Variants in TMEM117 observed in about 807,000 individuals in gnomAD.
TMEM117 encodes transmembrane protein 117.
TMEM117 carries 27 observed loss-of-function variants against 52.4 expected under a neutral mutation model. The ratio of observed to expected loss-of-function variants is 0.51; its 90% CI spans 0.38 to 0.71. TMEM117 has a LOEUF of 0.71. TMEM117 is among the 30% of genes least tolerant of loss of function. TMEM117 has a pLI of 0.00. For missense variants in TMEM117, 556 were observed against 630.5 expected, an observed-to-expected ratio of 0.88 and a Z score of 1.26; for synonymous variants, 215 against 206.3, an observed-to-expected ratio of 1.04 and a Z score of -0.36.
chr12:44,348,421 G>A (rs1432494086), intron 6 of TMEM117, among the ~76,000 whole-genome samples: 4 of 151,618 alleles, frequency 2.6e-5, no homozygotes, highest in African/African-American at 4.8e-5. Flanking sequence ...TTACCCCAAG[G>A]TACCAATACC....
chr12:43,836,151 C>G lies in TMEM117; in HGVS notation c.-74C>G, dbSNP rs913015701. On this transcript the variant is annotated 5_prime_UTR_variant, in exon 1 of 8. Transcript: ENST00000266534. ...CGGCGCGCCGAGGGCTGTGCTCGAC[C>G]GCGAATCCCGTGTGCAGTCGCCCCG... 2 of 152,036 alleles carry G rather than the reference C, an allele frequency of 1.3e-5. No homozygotes were observed. The highest frequency in any genetic ancestry group is 2.9e-5 in the Non-Finnish European group (2 of 68,002). 9.4% of individuals were successfully genotyped at this position (152,036 alleles called of 1,614,324 possible).
intron 5 of TMEM117, chr12:44,244,362 C>G (rs1383155737): frequency 2.0e-5 from 3 of 151,834 alleles, no homozygotes; most frequent in African/African-American, 7.2e-5. Context: ...TTGCATTTCC[C>G]TGATGGTTAG....
At chr12:43,857,195 A>C (rs1182019012) in intron 2 of TMEM117, among the ~76,000 whole-genome samples, 2 of 152,194 alleles carry the variant, frequency 1.3e-5, no homozygotes, top group African/African-American at 4.8e-5. Flanking sequence ...TGGCTGCTCT[A>C]GTTCCCCTAG....
intron 4 of TMEM117, among the ~76,000 whole-genome samples, chr12:44,148,077 G>A (rs1948670779): frequency 6.6e-6 from 1 of 152,158 alleles, no homozygotes; most frequent in African/African-American, 2.4e-5. Flanking sequence ...TAACATAGTA[G>A]CCCTAGGATT....
chr12:43,933,165 A>G (rs1381102620), intron 2 of TMEM117, among the ~76,000 whole-genome samples: 1 of 152,040 alleles, frequency 6.6e-6, no homozygotes, highest in Non-Finnish European at 1.5e-5. Context: ...CAGTATAATG[A>G]TGAAGATGTA....
At position 44,299,734 on chromosome 12, in the gene TMEM117, A is replaced by G; in HGVS notation, c.763A>G (p.Met255Val). Residue 255 changes from methionine (M) to valine (V), a missense_variant, in exon 6 of 8, where the codon ATG becomes GTG. Around this residue, in one of 3 missense-constraint regions of TMEM117, gnomAD observed 328 missense variants for 371.4 expected, o/e 0.88. Coordinates refer to ENST00000266534, the MANE Select transcript of TMEM117 (RefSeq NM_032256.3). ...CTTGGTCTTTGACCTTCTTATTGTG[A>G]TGCAGGTAAGTGTATTTCCCTCCCC... ...FILVFDLLIV[M>V]QDWEFPHFMG... 6.2e-7 allele frequency: 1 copy of G among 1,614,038 alleles called. No individual in the cohort carries two copies. The highest frequency in any genetic ancestry group is 8.5e-7 in the Non-Finnish European group (1 of 1,179,962).
chr12:44,392,993 T>C (rs528436699), downstream of TMEM117, among the ~76,000 whole-genome samples: 1 of 152,156 alleles, frequency 6.6e-6, no homozygotes, highest in Non-Finnish European at 1.5e-5. Context: ...TAAAAGCTGA[T>C]ATCCTGTAAA....
intron 3 of TMEM117, among the ~76,000 whole-genome samples, chr12:44,068,161 C>T (rs536582521): frequency 6.6e-6 from 1 of 152,300 alleles, no homozygotes; most frequent in African/African-American, 2.4e-5. Flanking sequence ...CTCAATTAGG[C>T]TTTGATTTAG....
chr12:43,849,307 A>T (rs1315262200), intron 2 of TMEM117, among the ~76,000 whole-genome samples: 2 of 152,222 alleles, frequency 1.3e-5, no homozygotes. Flanking sequence ...AAATTTTCTC[A>T]GCATAGGAAG....
At chr12:43,965,249 A>G (rs141755602) in intron 3 of TMEM117, among the ~76,000 whole-genome samples, 52 of 152,362 alleles carry the variant, frequency 3.4e-4, no homozygotes, top group African/African-American at 1.3e-3. Context: ...TAAAAAGAAA[A>G]TAAGGAAAAG....
intron 3 of TMEM117, among the ~76,000 whole-genome samples, chr12:43,976,831 G>A (rs1040499829): frequency 1.3e-5 from 2 of 152,106 alleles, no homozygotes; most frequent in African/African-American, 2.4e-5. Context: ...CAGGTGCCAC[G>A]GTTATAACTC....
At chr12:44,204,978 G>A (rs141188170) in intron 4 of TMEM117, among the ~76,000 whole-genome samples, 12 of 152,238 alleles carry the variant, frequency 7.9e-5, no homozygotes, top group African/African-American at 2.9e-4. Flanking sequence ...ACACCATTCT[G>A]AACATAGGCA....
rs143423860 is a variant in TMEM117 at position 44,378,760 on chromosome 12, G to T, written c.898+2036G>T. On this transcript the variant is annotated intron_variant, in intron 7 of 7. Transcript: ENST00000266534. ...AGGGAACTTTATAAATACACAGATT[G>T]TTGGGTTTCATTACTAATGTTTTGA... is the stretch of plus-strand genomic sequence containing the variant. 2.2e-3 allele frequency among the ~76,000 whole-genome samples: 334 copies of T among 152,272 alleles called. 2 individuals carry two copies. Among genetic ancestry groups the T allele is most frequent in the African/African-American group, 7.6e-3 (316 of 41,566 alleles).
the TMEM117 span, among the ~76,000 whole-genome samples, chr12:43,804,000 T>C: frequency 6.6e-6 from 1 of 152,140 alleles, no homozygotes; most frequent in African/African-American, 2.4e-5. Context: ...AAAGAATCAA[T>C]TTGTAGTTTG....
intron 2 of TMEM117, among the ~76,000 whole-genome samples, chr12:43,866,624 C>T (rs1565726183): frequency 6.6e-6 from 1 of 152,064 alleles, no homozygotes; most frequent in African/African-American, 2.4e-5. Context: ...ATCAACAAGA[C>T]AGTTATCTAT....
chr12:44,166,719 A>G (rs1439718254), intron 4 of TMEM117, among the ~76,000 whole-genome samples: 1 of 152,206 alleles, frequency 6.6e-6, no homozygotes. Context: ...ACTCCTATCT[A>G]TGTTCACATG....
intron 4 of TMEM117, among the ~76,000 whole-genome samples, chr12:44,185,545 T>TA (rs919126456): frequency 6.6e-6 from 1 of 152,104 alleles, no homozygotes; most frequent in South Asian, 2.1e-4. Flanking sequence ...CATTGGTGCT[T>TA]AAAAAAAGCC....
intron 3 of TMEM117, among the ~76,000 whole-genome samples, chr12:43,962,077 G>A (rs1209976301): frequency 6.6e-6 from 1 of 152,078 alleles, no homozygotes; most frequent in East Asian, 1.9e-4. Context: ...CCCTCCTAAG[G>A]TAGCATCAGT....
chr12:44,143,557 G>T lies in TMEM117; in HGVS notation c.443G>T (p.Arg148Leu). The change falls in exon 4 of 8, where the codon CGA becomes CTA. Residue 148 changes from arginine to leucine, a missense_variant. Around this residue, in one of 3 missense-constraint regions of TMEM117, gnomAD observed 328 missense variants for 371.4 expected, o/e 0.88. Coordinates refer to ENST00000266534, the MANE Select transcript of TMEM117 (RefSeq NM_032256.3). ...ATCATTACAGACTATATGGGCATCC[G>T]AAATGAAAGTTTCATGAAATTAGCT... Reference protein sequence around the residue: ...AYIITDYMGIRNESFMKLAAV... With the variant: ...AYIITDYMGILNESFMKLAAV... The T allele has an allele frequency of 6.2e-7, 1 of 1,613,912 alleles. No individual in the cohort carries two copies. The highest frequency in any genetic ancestry group is 1.1e-5 in the South Asian group (1 of 91,056).
Sources: gnomAD v4.1 joint callset for allele counts (sites outside exome capture counted in the v4.1 genomes callset) on GRCh38, gnomAD v4.1.1 for gene constraint, gnomAD v4.1.1 regional missense constraint, MANE v1.5 for transcripts, NCBI Gene and HGNC (gene_info 2026-07-23, HGNC 2026-07-21) for gene names.